The following NKAIN1 variants were observed in gnomAD, a reference collection of about 807,000 sequenced individuals.
The protein encoded by NKAIN1 is sodium/potassium-transporting ATPase subunit beta-1-interacting protein 1.
In NKAIN1, 13 loss-of-function variants were observed where a neutral mutation model predicts 31.6. The ratio of observed to expected loss-of-function variants is 0.41; its 90% confidence interval spans 0.27 to 0.65. The LOEUF (loss-of-function observed/expected upper bound fraction) is 0.65, where lower values mean the gene tolerates loss of function less well. Among genes scored for constraint, NKAIN1 ranks in the 30% least tolerant of loss-of-function variants. The pLI, the probability that NKAIN1 is intolerant of heterozygous loss-of-function variation, is 0.30. For missense variants in NKAIN1, 193 were observed against 262.2 expected (o/e 0.74, Z 1.82); for synonymous variants, 104 against 109.0 (o/e 0.95, Z 0.28).
chr1:31,209,543 G>C (rs1468048265), intron 1 of NKAIN1, among the ~76,000 whole-genome samples: 1 of 152,090 alleles, frequency 6.6e-6, no homozygotes, highest in Admixed American at 6.6e-5. Context: ...GTATAGCCAG[G>C]CATGATGGCT....
intron 2 of NKAIN1, 72 bp from the exon 3 acceptor site, chr1:31,185,399 G>A: frequency 8.3e-7 from 1 of 1,207,608 alleles, no homozygotes; most frequent in Non-Finnish European, 1.2e-6. Context: ...TGGAGACAGA[G>A]CTCAGGGATG....
chr1:31,185,538 G>A (rs1645235880), intron 2 of NKAIN1, among the ~76,000 whole-genome samples: 1 of 152,174 alleles, frequency 6.6e-6, no homozygotes, highest in Admixed American at 6.5e-5. Flanking sequence ...CTTTTAGAGA[G>A]AACTAACTTA....
intron 1 of NKAIN1, among the ~76,000 whole-genome samples, chr1:31,191,210 G>A (rs567840855): frequency 6.6e-6 from 1 of 151,848 alleles, no homozygotes; most frequent in African/African-American, 2.4e-5. Context: ...AGAATTGCTT[G>A]AGCCTGGGAG....
intron 1 of NKAIN1, among the ~76,000 whole-genome samples, chr1:31,221,158 G>A (rs1645561405): frequency 6.6e-6 from 1 of 152,150 alleles, no homozygotes. Context: ...CTTCCAGAGA[G>A]GCAGGCACAG....
At chr1:31,199,224 G>T (rs1008304213) in intron 1 of NKAIN1, among the ~76,000 whole-genome samples, 1 of 152,184 alleles carries the variant, frequency 6.6e-6, no homozygotes, top group Non-Finnish European at 1.5e-5. Context: ...GGAGGCCTGA[G>T]TTCCAGCCCC....
intron 1 of NKAIN1, among the ~76,000 whole-genome samples, chr1:31,197,832 C>T (rs1259804284): frequency 6.6e-6 from 1 of 152,148 alleles, no homozygotes; most frequent in Non-Finnish European, 1.5e-5. Context: ...CAGGCATGAG[C>T]CACTGCACCT....
At chr1:31,211,096 C>A (rs1381447060) in intron 1 of NKAIN1, among the ~76,000 whole-genome samples, 1 of 152,222 alleles carries the variant, frequency 6.6e-6, no homozygotes, top group Non-Finnish European at 1.5e-5. Context: ...AGATCAGGAA[C>A]AAGACAGGGA....
chr1:31,188,841 C>T (rs141166949), intron 1 of NKAIN1, among the ~76,000 whole-genome samples: 133 of 152,010 alleles, frequency 8.7e-4, no homozygotes, highest in African/African-American at 3.0e-3. Flanking sequence ...GGTGAAACCC[C>T]GTCTCAACAA....
intron 2 of NKAIN1, among the ~76,000 whole-genome samples, chr1:31,186,394 GTTTTTTTTTTTT>G (rs11303246): frequency 1.0e-5 from 1 of 97,276 alleles, no homozygotes; most frequent in African/African-American, 3.8e-5. Flanking sequence ...ATTCTTTTGT[GTTTTTTTTTTTT>G]TTTTTTTTTT....
At chr1:31,187,734 C>A (rs1281043096) in intron 2 of NKAIN1, among the ~76,000 whole-genome samples, 2 of 152,076 alleles carry the variant, frequency 1.3e-5, no homozygotes, top group Non-Finnish European at 1.5e-5. Context: ...ATCTACCTCA[C>A]AGGGCTATTG....
rs1358826834 is a variant in NKAIN1 at position 31,180,222 on chromosome 1, T to C, written c.*1481A>G. ...TCAGGTGTGCAAACCATCTGCACCA[T>C]CTGGGTGCCCCCCAGTTCCTCCATG... On this transcript the variant is annotated 3_prime_UTR_variant, in exon 7 of 7. Coordinates refer to ENST00000373736, the MANE Select transcript of NKAIN1 (RefSeq NM_024522.3). 1 of 152,428 alleles carries C rather than the reference T, an allele frequency of 6.6e-6. No individual in the cohort carries two copies. The allele number at this position is 152,428 out of a possible 1,614,324, so 9.4% of individuals were successfully genotyped here.
intron 1 of NKAIN1, among the ~76,000 whole-genome samples, chr1:31,198,956 A>G (rs988851033): frequency 6.6e-6 from 1 of 152,218 alleles, no homozygotes; most frequent in Non-Finnish European, 1.5e-5. Flanking sequence ...AAGGTAGCGT[A>G]GGGCCCAGGC....
At chr1:31,220,682 G>A (rs1645557409) in intron 1 of NKAIN1, among the ~76,000 whole-genome samples, 1 of 150,684 alleles carries the variant, frequency 6.6e-6, no homozygotes, top group Admixed American at 6.7e-5. Context: ...TTGAACCTGG[G>A]AGGTGGAGGT....
chr1:31,182,409 C>T (rs2124160523), intron 5 of NKAIN1, 121 bp downstream of exon 5: 2 of 1,112,424 alleles, frequency 1.8e-6, no homozygotes, highest in Middle Eastern at 2.2e-4. Flanking sequence ...GCCTCTTCCC[C>T]TCGAAAGGGG....
intron 1 of NKAIN1, among the ~76,000 whole-genome samples, chr1:31,202,975 T>A (rs539688833): frequency 3.2e-4 from 34 of 104,724 alleles, no homozygotes; most frequent in Admixed American, 4.8e-4. Context: ...GATTCCGTCT[T>A]AAAAAAAAAA....
At chr1:31,207,984 C>G (rs1330946947) in intron 1 of NKAIN1, among the ~76,000 whole-genome samples, 1 of 152,052 alleles carries the variant, frequency 6.6e-6, no homozygotes, top group Non-Finnish European at 1.5e-5. Context: ...CTGCCACCAC[C>G]CCAGGTTTCC....
At chr1:31,227,873 G>A (rs555266434) in intron 1 of NKAIN1, among the ~76,000 whole-genome samples, 6 of 152,276 alleles carry the variant, frequency 3.9e-5, no homozygotes, top group Non-Finnish European at 8.8e-5. Flanking sequence ...TGGCTCCAAC[G>A]CTGGCCTGAA....
chr1:31,191,619 T>C (rs1645286760), intron 1 of NKAIN1, among the ~76,000 whole-genome samples: 1 of 152,122 alleles, frequency 6.6e-6, no homozygotes, highest in Admixed American at 6.5e-5. Context: ...TGATACATAG[T>C]GGCTAATTAA....
intron 2 of NKAIN1, among the ~76,000 whole-genome samples, chr1:31,187,677 A>T (rs964742198): frequency 6.6e-6 from 1 of 152,002 alleles, no homozygotes; most frequent in Non-Finnish European, 1.5e-5. Flanking sequence ...AAGACTCGCA[A>T]CCTTTCTGAG....
Sources: allele counts gnomAD v4.1 joint callset (sites outside exome capture counted in the v4.1 genomes callset), GRCh38; gene constraint gnomAD v4.1.1; transcripts MANE v1.5; gene names NCBI Gene and HGNC (gene_info 2026-07-23, HGNC 2026-07-21).